STAC: variants seen among roughly 807,000 people sequenced by gnomAD.
The protein encoded by STAC is SH3 and cysteine rich domain, also known as SH3 and cysteine-rich domain-containing protein.
A neutral mutation model predicts 48.8 loss-of-function variants in STAC; 43 were observed. That is an observed-to-expected ratio of 0.88 (90% confidence interval 0.69 to 1.14). The LOEUF is 1.14. Ranked by LOEUF, STAC falls within the 50% of genes most tolerant of loss-of-function variation. The probability of loss-of-function intolerance (pLI) is 0.00; values close to 1 mark genes in which losing one functional copy is unlikely to be tolerated. For synonymous variants in STAC, 193 were observed against 179.5 expected, an observed-to-expected ratio of 1.07 and a Z score of -0.60; for missense variants, 497 against 504.0, an observed-to-expected ratio of 0.99 and a Z score of 0.13.
chr3:36,405,499 G>A (rs962650832), intron 1 of STAC, among the ~76,000 whole-genome samples: 6 of 152,112 alleles, frequency 3.9e-5, no homozygotes, highest in African/African-American at 1.4e-4. Context: ...GGTGGAGAAG[G>A]ATCTCCTTCA....
intron 1 of STAC, among the ~76,000 whole-genome samples, chr3:36,403,472 A>T (rs1039246543): frequency 6.6e-6 from 1 of 151,888 alleles, no homozygotes; most frequent in Non-Finnish European, 1.5e-5. Context: ...TTAGTGGAAA[A>T]TTTTTTAATA....
chr3:36,494,151 C>CAAAAAAA (rs751587518), intron 6 of STAC, among the ~76,000 whole-genome samples: 54 of 56,672 alleles, frequency 9.5e-4, no homozygotes, highest in East Asian at 3.7e-3. Flanking sequence ...GACTCCGTCT[C>CAAAAAAA]AAAAAAAAAA....
chr3:36,427,273 G>A (rs1417432567), intron 1 of STAC, among the ~76,000 whole-genome samples: 1 of 152,122 alleles, frequency 6.6e-6, no homozygotes, highest in Non-Finnish European at 1.5e-5. Flanking sequence ...GAAACACCTC[G>A]ACCTTCTTTC....
At chr3:36,381,993 C>T (rs78605586) in intron 1 of STAC, among the ~76,000 whole-genome samples, 1,581 of 152,276 alleles carry the variant, frequency 0.01, 30 homozygotes, top group African/African-American at 0.035. Flanking sequence ...GTGAGGAGTA[C>T]ATGAGAGGCC....
rs1208007068 is a variant in STAC, at chr3:36,485,003, C to T, written c.516C>T (p.Ser172=). The change falls in exon 4 of 11, where the codon AGC becomes AGT. Residue 172 remains serine, a synonymous_variant. Transcript: ENST00000273183. Reference sequence around the variant, plus strand: ...CAAAGGGGTTTCGGCGTTACTACAGCTCCCCCTTGCTCATTCATGAACAGT... The same window carrying T: ...CAAAGGGGTTTCGGCGTTACTACAGTTCCCCCTTGCTCATTCATGAACAGT... The part of the protein sequence containing the change: ...KLPKGFRRYY[S]SPLLIHEQFG... 4 of 1,603,562 alleles carry T rather than the reference C, an allele frequency of 2.5e-6. No homozygotes were observed. In the African/African-American group the frequency reaches 5.4e-5, roughly 22 times the overall value.
At chr3:36,506,704 T>C (rs1226323749) in intron 8 of STAC, among the ~76,000 whole-genome samples, 1 of 152,022 alleles carries the variant, frequency 6.6e-6, no homozygotes, top group Non-Finnish European at 1.5e-5. Context: ...TGAATGGGAG[T>C]TTATTCATGA....
At chr3:36,461,162 T>G (rs1697006750) in intron 2 of STAC, among the ~76,000 whole-genome samples, 1 of 152,206 alleles carries the variant, frequency 6.6e-6, no homozygotes, top group South Asian at 2.1e-4. Flanking sequence ...TCAATATTTA[T>G]TTTTAGAATC....
chr3:36,395,634 C>A (rs1699842256), intron 1 of STAC, among the ~76,000 whole-genome samples: 1 of 152,076 alleles, frequency 6.6e-6, no homozygotes, highest in Non-Finnish European at 1.5e-5. Flanking sequence ...TGAGAACCAA[C>A]AGAGCAAAAG....
At chr3:36,495,997 A>G (rs995460392) in intron 6 of STAC, among the ~76,000 whole-genome samples, 6 of 152,196 alleles carry the variant, frequency 3.9e-5, no homozygotes, top group Non-Finnish European at 7.3e-5. Flanking sequence ...CTCCCCTTCA[A>G]TACACACACA....
intron 1 of STAC, among the ~76,000 whole-genome samples, chr3:36,426,651 C>T (rs551165393): frequency 4.6e-5 from 7 of 151,954 alleles, no homozygotes; most frequent in East Asian, 3.9e-4. Flanking sequence ...GGTCTCCAGA[C>T]GTGACTTAGA....
intron 2 of STAC, among the ~76,000 whole-genome samples, chr3:36,454,738 GA>G (rs149332165): frequency 0.032 from 4,784 of 150,596 alleles, 228 homozygotes; most frequent in African/African-American, 0.11. Context: ...ATCAGTGTAA[GA>G]AAAAAAAATA....
chr3:36,427,391 C>T (rs1038621805), intron 1 of STAC, among the ~76,000 whole-genome samples: 6 of 152,210 alleles, frequency 3.9e-5, no homozygotes, highest in African/African-American at 1.4e-4. Flanking sequence ...TCTGGGCCAG[C>T]CTTGGAAATA....
At chr3:36,403,427 C>T (rs909540732) in intron 1 of STAC, among the ~76,000 whole-genome samples, 3 of 151,452 alleles carry the variant, frequency 2.0e-5, no homozygotes, top group Admixed American at 1.3e-4. Flanking sequence ...CAATTTTCTT[C>T]TATTTTTATT....
chr3:36,492,544 G>C (rs1417698243), intron 5 of STAC, among the ~76,000 whole-genome samples: 1 of 152,214 alleles, frequency 6.6e-6, no homozygotes, highest in East Asian at 1.9e-4. Flanking sequence ...TACATGGTAA[G>C]TGATCAGGAA....
In STAC at chr3:36,443,878, T is replaced by C. The variant is rs1459061183; in HGVS notation, c.388+238T>C. 6.6e-6 allele frequency among the ~76,000 whole-genome samples: 1 copy of C among 152,214 alleles called. No individual in the cohort carries two copies. The highest frequency in any genetic ancestry group is 1.5e-5 in the Non-Finnish European group (1 of 68,038). ...GTAATCAGGACTTCAGCTGATCCCC[T>C]GTAGATCCCTAAAGCCCTTTAGCGT... On this transcript the variant is annotated intron_variant, in intron 2 of 10. Transcript: ENST00000273183. This position sits in a 1 kb window ranked among gnomAD's most constrained non-coding sequence, Gnocchi z 4.2.
At chr3:36,404,346 T>C (rs115266625) in intron 1 of STAC, among the ~76,000 whole-genome samples, 148 of 152,314 alleles carry the variant, frequency 9.7e-4, no homozygotes, top group African/African-American at 3.4e-3. Context: ...ACTTAAACTT[T>C]CTAAGGCACA....
At chr3:36,469,922 T>C (rs1697282424) in intron 2 of STAC, among the ~76,000 whole-genome samples, 2 of 152,234 alleles carry the variant, frequency 1.3e-5, no homozygotes, top group Admixed American at 6.5e-5. Context: ...GAAGTTGTGA[T>C]TGTTTTTCAT....
At chr3:36,489,028 T>G (rs1697894304) in intron 5 of STAC, among the ~76,000 whole-genome samples, 1 of 152,136 alleles carries the variant, frequency 6.6e-6, no homozygotes, top group African/African-American at 2.4e-5. Flanking sequence ...GAGTTGAAAT[T>G]TTTTAAGACC....
intron 1 of STAC, among the ~76,000 whole-genome samples, chr3:36,414,482 G>A (rs1281920244): frequency 1.3e-5 from 2 of 152,270 alleles, no homozygotes; most frequent in Admixed American, 1.3e-4. Context: ...ACTGAAGCTT[G>A]TGCATGCATC....
Sources: allele counts gnomAD v4.1 joint callset (sites outside exome capture counted in the v4.1 genomes callset), GRCh38; gene constraint gnomAD v4.1.1; non-coding constraint Gnocchi (gnomAD v3.1); transcripts MANE v1.5; gene names NCBI Gene and HGNC (gene_info 2026-07-23, HGNC 2026-07-21).